Variants in CDKL5 observed in about 807,000 individuals in gnomAD.
CDKL5 encodes cyclin-dependent kinase-like 5.
CDKL5 carries 8 observed loss-of-function variants against 61.7 expected under a neutral mutation model. The observed-to-expected ratio is 0.13, with a 90% CI of 0.08 to 0.23. The LOEUF (loss-of-function observed/expected upper bound fraction) is 0.23, where lower values mean the gene tolerates loss of function less well. Among genes scored for constraint, CDKL5 ranks in the 10% least tolerant of loss-of-function variants. The pLI, the probability that CDKL5 is intolerant of heterozygous loss-of-function variation, is 1.00. For synonymous variants in CDKL5, 275 were observed against 272.3 expected, an observed-to-expected ratio of 1.01 and a Z score of -0.10; for missense variants, 440 against 734.5, an observed-to-expected ratio of 0.60 and a Z score of 4.63.
chrX:18,555,420 G>C (rs936584043), intron 3 of CDKL5, among the ~76,000 whole-genome samples: 1 of 112,229 alleles, frequency 8.9e-6, no homozygotes, highest in Non-Finnish European at 1.9e-5. Context: ...TTTATGGGCA[G>C]ATTCATTCGT....
chrX:18,550,609 A>C (rs1263046685), intron 3 of CDKL5, among the ~76,000 whole-genome samples: 2 of 112,238 alleles, frequency 1.8e-5, no homozygotes, highest in South Asian at 3.7e-4. Flanking sequence ...CTGCATTTAA[A>C]TTTAAATTTT....
chrX:18,473,603 TA>T (rs1921185221), intron 1 of CDKL5, among the ~76,000 whole-genome samples: 2 of 110,177 alleles, frequency 1.8e-5, no homozygotes, highest in Non-Finnish European at 3.8e-5. Context: ...GTGGCTGAGA[TA>T]TGGGGAAATT....
rs753626546 is a variant in CDKL5, at chrX:18,486,364, A to G, written c.-162-20571A>G. 4.8e-4 allele frequency among the ~76,000 whole-genome samples: 54 copies of G among 111,914 alleles called. 1 individual carries two copies. The highest frequency in any genetic ancestry group is 1.6e-3 in the African/African-American group (50 of 30,893). On this transcript the variant is annotated intron_variant, in intron 1 of 17. Transcript: ENST00000623535. ...CATTGGAAAGCAGGAAGACTTTGTT[A>G]TATGTGATTCAGCACTAGTAGCTTG...
intron 3 of CDKL5, among the ~76,000 whole-genome samples, chrX:18,547,675 T>C (rs111632128): frequency 2.7e-5 from 3 of 111,848 alleles, no homozygotes; most frequent in Admixed American, 9.5e-5. Flanking sequence ...CAAGGTGTGG[T>C]GTACATTGGT....
In CDKL5 at chrX:18,458,764, G is replaced by C. The variant is rs747101538; in HGVS notation, c.-163+33069G>C. ...AAAATAAAGGTTCAGTTCCTCAGTT[G>C]CACTGGCCACAGTTCAGATACCCAA... On this transcript the variant is annotated intron_variant, in intron 1 of 17. Transcript: ENST00000623535. 6.2e-5 allele frequency among the ~76,000 whole-genome samples: 7 copies of C among 112,224 alleles called. No individual in the cohort carries two copies. The South Asian group carries it at 2.6e-3, about 41-fold the overall frequency.
intron 12 of CDKL5, among the ~76,000 whole-genome samples, chrX:18,607,729 C>T (rs959255471): frequency 4.5e-5 from 5 of 111,885 alleles, no homozygotes; most frequent in Non-Finnish European, 9.4e-5. Flanking sequence ...CCTTGAAAAG[C>T]ACAGAGACTC....
At chrX:18,476,554 A>G (rs912589075) in intron 1 of CDKL5, among the ~76,000 whole-genome samples, 2 of 111,564 alleles carry the variant, frequency 1.8e-5, no homozygotes, top group Non-Finnish European at 3.8e-5. Context: ...TTGATTACCA[A>G]TTACTGACTA....
intron 1 of CDKL5, among the ~76,000 whole-genome samples, chrX:18,494,963 G>C (rs1488732934): frequency 8.9e-6 from 1 of 112,015 alleles, no homozygotes. Flanking sequence ...CTCCTTGCTT[G>C]TATTCAGCAT....
At chrX:18,521,083 T>C (rs1473178611) in intron 3 of CDKL5, among the ~76,000 whole-genome samples, 1 of 111,850 alleles carries the variant, frequency 8.9e-6, no homozygotes, top group African/African-American at 3.2e-5. Context: ...GTGGATGTAG[T>C]GTGGTATCTT....
chrX:18,553,452 T>TTGTGTG (rs1308797573), intron 3 of CDKL5, among the ~76,000 whole-genome samples: 2 of 102,372 alleles, frequency 2.0e-5, no homozygotes, highest in African/African-American at 7.5e-5. Context: ...TTGAAGGCAG[T>TTGTGTG]TGTGTGTGTG....
intron 11 of CDKL5, among the ~76,000 whole-genome samples, chrX:18,600,973 C>T (rs1163061558): frequency 1.8e-5 from 2 of 111,613 alleles, no homozygotes; most frequent in African/African-American, 3.3e-5. Flanking sequence ...ATACTTATTC[C>T]ATGGATGCTT....
chrX:18,426,608 T>C (rs1931373176), intron 1 of CDKL5: 1 of 112,750 alleles, frequency 8.9e-6, no homozygotes, highest in Admixed American at 9.4e-5. Flanking sequence ...TAGTTGCAGA[T>C]CAGTATTCTG....
intron 1 of CDKL5, among the ~76,000 whole-genome samples, chrX:18,432,534 G>A (rs993293810): frequency 3.6e-5 from 4 of 110,153 alleles, no homozygotes; most frequent in Non-Finnish European, 7.6e-5. Flanking sequence ...AAGCTACCGT[G>A]CCTGGCCAAC....
chrX:18,489,942 T>C (rs1921931969), intron 1 of CDKL5, among the ~76,000 whole-genome samples: 1 of 111,188 alleles, frequency 9.0e-6, no homozygotes, highest in African/African-American at 3.3e-5. Context: ...CCTGACCACC[T>C]TGGGCACATA....
intron 21 of CDKL5, chrX:18,650,736 G>A (rs1009561916): frequency 1.4e-6 from 1 of 702,295 alleles, no homozygotes; most frequent in South Asian, 2.4e-5. Context: ...AGCTGCAGGT[G>A]ATTGTAATGG....
chrX:18,433,014 G>C (rs1281774447), intron 1 of CDKL5, among the ~76,000 whole-genome samples: 1 of 110,415 alleles, frequency 9.1e-6, no homozygotes, highest in Non-Finnish European at 1.9e-5. Flanking sequence ...GATCATTTGA[G>C]GTCAGGAGTT....
At chrX:18,501,054 T>C (rs1922363577) in intron 1 of CDKL5, among the ~76,000 whole-genome samples, 2 of 111,398 alleles carry the variant, frequency 1.8e-5, no homozygotes, top group South Asian at 7.5e-4. Context: ...TTGGCCAGGT[T>C]GGTCTCCAAC....
intron 3 of CDKL5, among the ~76,000 whole-genome samples, chrX:18,539,434 A>C (rs1923947843): frequency 8.9e-6 from 1 of 112,322 alleles, no homozygotes; most frequent in Admixed American, 9.4e-5. Context: ...CTATGAAATT[A>C]GAATTTCCTT....
intron 1 of CDKL5, among the ~76,000 whole-genome samples, chrX:18,437,009 T>C (rs146724120): frequency 0.022 from 2,328 of 107,492 alleles, 51 homozygotes; most frequent in African/African-American, 0.062. Flanking sequence ...CTTGAAAAGG[T>C]TTAGTAGGCC....
Sources: gnomAD v4.1 joint callset for allele counts (sites outside exome capture counted in the v4.1 genomes callset) on GRCh38, gnomAD v4.1.1 for gene constraint, MANE v1.5 for transcripts, NCBI Gene and HGNC (gene_info 2026-07-23, HGNC 2026-07-21) for gene names.